The following CYTH1 variants were observed in gnomAD, a reference collection of about 807,000 sequenced individuals.
CYTH1 encodes cytohesin-1.
CYTH1 carries 18 observed loss-of-function variants against 61.8 expected under a neutral mutation model. That is an observed-to-expected ratio of 0.29 (90% CI 0.20 to 0.43). CYTH1 has a LOEUF of 0.43. Among genes scored for constraint, CYTH1 ranks in the 20% least tolerant of loss-of-function variants. The pLI, the probability that CYTH1 is intolerant of heterozygous loss-of-function variation, is 1.00. For synonymous variants in CYTH1, 174 were observed against 184.3 expected (o/e 0.94, Z 0.45); for missense variants, 336 against 510.5 (o/e 0.66, Z 3.29).
intron 1 of CYTH1, among the ~76,000 whole-genome samples, chr17:78,743,924 C>A (rs988842110): frequency 6.6e-5 from 10 of 152,124 alleles, no homozygotes; most frequent in African/African-American, 1.7e-4. Flanking sequence ...TGTAGAGACC[C>A]CACATGTGGG....
At chr17:78,733,507 C>T (rs1435294709) in intron 1 of CYTH1, among the ~76,000 whole-genome samples, 1 of 152,172 alleles carries the variant, frequency 6.6e-6, no homozygotes, top group Admixed American at 6.5e-5. Flanking sequence ...TCAGCGTTTA[C>T]TGAGCATCTG....
At chr17:78,767,747 G>T (rs542329403) in intron 1 of CYTH1, among the ~76,000 whole-genome samples, 18 of 151,946 alleles carry the variant, frequency 1.2e-4, no homozygotes, top group Non-Finnish European at 2.6e-4. Context: ...AGGTCTAGAG[G>T]TAACACCAGA....
chr17:78,747,170 A>AC (rs1567872924), intron 1 of CYTH1, among the ~76,000 whole-genome samples: 45 of 148,984 alleles, frequency 3.0e-4, no homozygotes, highest in African/African-American at 1.0e-3. Flanking sequence ...AAAAAAAAAA[A>AC]GAAAAAACTA....
At chr17:78,720,903 A>T (rs2093222950) in intron 1 of CYTH1, among the ~76,000 whole-genome samples, 1 of 152,090 alleles carries the variant, frequency 6.6e-6, no homozygotes. Flanking sequence ...AATAAACAAA[A>T]ATTTCACAGC....
chr17:78,760,469 AT>A (rs1681345415), intron 1 of CYTH1, among the ~76,000 whole-genome samples: 1 of 48,704 alleles, frequency 2.1e-5, no homozygotes, highest in Non-Finnish European at 4.0e-5. Context: ...ACATATATAT[AT>A]GTATATATAT....
At chr17:78,733,996 T>C (rs966371986) in intron 1 of CYTH1, among the ~76,000 whole-genome samples, 1 of 152,174 alleles carries the variant, frequency 6.6e-6, no homozygotes, top group African/African-American at 2.4e-5. Flanking sequence ...ACGCCTGTAA[T>C]CCCAGCACTT....
At chr17:78,726,042 CTTTT>C (rs1159169142) in intron 1 of CYTH1, among the ~76,000 whole-genome samples, 2 of 130,754 alleles carry the variant, frequency 1.5e-5, no homozygotes. Context: ...ATTCAACAGT[CTTTT>C]TTTTTTTTTT....
chr17:78,743,147 A>G (rs1185843672), intron 1 of CYTH1, among the ~76,000 whole-genome samples: 1 of 152,234 alleles, frequency 6.6e-6, no homozygotes, highest in African/African-American at 2.4e-5. Context: ...ATACTGTTAA[A>G]TGAAAAAATC....
intron 11 of CYTH1, among the ~76,000 whole-genome samples, chr17:78,684,953 C>T (rs1482429620): frequency 6.6e-6 from 1 of 152,166 alleles, no homozygotes; most frequent in East Asian, 1.9e-4. Flanking sequence ...GTAATCCCAG[C>T]ACTTTGGGAG....
intron 7 of CYTH1, among the ~76,000 whole-genome samples, chr17:78,699,258 G>C (rs1305643322): frequency 6.6e-6 from 1 of 152,058 alleles, no homozygotes; most frequent in East Asian, 1.9e-4. Flanking sequence ...CAGCAACTTG[G>C]GAGGCCGAGG....
Position 78,731,762 on chromosome 17 carries a change from A to C in CYTH1, c.23-22030T>G, listed in dbSNP as rs1341492135. 2.6e-5 allele frequency among the ~76,000 whole-genome samples: 4 copies of C among 151,864 alleles called. No homozygotes were observed. In the South Asian group the frequency reaches 6.2e-4, roughly 24 times the overall value. On this transcript the variant is annotated intron_variant, in intron 1 of 13. Coordinates refer to ENST00000446868, the MANE Select transcript of CYTH1 (RefSeq NM_004762.6). ...GACAGCGAGACTCCGTCTCAAAAAA[A>C]AAAAAAAAACAAAAAAAAACAAATA...
intron 1 of CYTH1, among the ~76,000 whole-genome samples, chr17:78,766,410 T>C (rs2093448900): frequency 6.6e-6 from 1 of 152,196 alleles, no homozygotes; most frequent in Non-Finnish European, 1.5e-5. Context: ...AAACATGTTC[T>C]GGCTCCAGGG....
intron 1 of CYTH1, among the ~76,000 whole-genome samples, chr17:78,758,379 A>C (rs183697289): frequency 3.3e-5 from 5 of 152,270 alleles, no homozygotes; most frequent in African/African-American, 9.6e-5. Flanking sequence ...TGAGGAGAAG[A>C]AGCCTGGCCT....
At chr17:78,676,981 G>T (rs1156472779) in intron 13 of CYTH1, 1 of 455,980 alleles carries the variant, frequency 2.2e-6, no homozygotes. Context: ...CCTGACTGCA[G>T]GCAGGGCACT....
In CYTH1 at chr17:78,745,565, T is replaced by C. The variant is rs74001225; in HGVS notation, c.23-35833A>G. 4.3e-3 allele frequency among the ~76,000 whole-genome samples: 662 copies of C among 152,230 alleles called. 6 individuals are homozygous for C. Among genetic ancestry groups the C allele is most frequent in the African/African-American group, 0.015 (624 of 41,526 alleles). On this transcript the variant is annotated intron_variant, in intron 1 of 13. Coordinates refer to ENST00000446868, the MANE Select transcript of CYTH1 (RefSeq NM_004762.6). The stretch of plus-strand genomic sequence containing the variant: ...GCCCTCTGCTGGCTACATGAAAAGA[T>C]TGTTAAAAGATTGACATAGAAATTG...
intron 11 of CYTH1, among the ~76,000 whole-genome samples, chr17:78,689,475 A>C (rs1325971307): frequency 6.6e-6 from 1 of 152,172 alleles, no homozygotes; most frequent in Non-Finnish European, 1.5e-5. Flanking sequence ...ATGAGAATCT[A>C]ACGCCGCCAC....
At chr17:78,689,926 T>G (rs140933319) in intron 11 of CYTH1, among the ~76,000 whole-genome samples, 1 of 151,968 alleles carries the variant, frequency 6.6e-6, no homozygotes, top group Non-Finnish European at 1.5e-5. Context: ...GTAGAAACCC[T>G]GCACACTGCT....
intron 1 of CYTH1, among the ~76,000 whole-genome samples, chr17:78,752,974 T>G (rs1420270250): frequency 1.3e-5 from 2 of 152,066 alleles, no homozygotes; most frequent in African/African-American, 4.8e-5. Flanking sequence ...CAAGAACACA[T>G]AAAGCAAGAA....
intron 1 of CYTH1, among the ~76,000 whole-genome samples, chr17:78,747,244 G>C (rs1413759548): frequency 1.3e-5 from 2 of 149,346 alleles, no homozygotes; most frequent in African/African-American, 4.9e-5. Context: ...AGTAAGAATA[G>C]AAAAAGTCCC....
Sources: allele counts gnomAD v4.1 joint callset (sites outside exome capture counted in the v4.1 genomes callset), GRCh38; gene constraint gnomAD v4.1.1; transcripts MANE v1.5; gene names NCBI Gene and HGNC (gene_info 2026-07-23, HGNC 2026-07-21).